Variants in MAMLD1 observed in about 807,000 individuals in gnomAD.
MAMLD1 encodes the protein mastermind like domain containing 1, also known as mastermind-like domain-containing protein 1.
Under a neutral mutation model 45.0 loss-of-function variants are expected in MAMLD1, and 14 were observed. The observed-to-expected ratio is 0.31, with a 90% confidence interval of 0.21 to 0.49. MAMLD1 has a LOEUF of 0.49. Ranked by LOEUF, MAMLD1 falls within the 20% of genes least tolerant of loss-of-function variation. MAMLD1 has a pLI of 0.99. For synonymous variants in MAMLD1, 254 were observed against 247.8 expected, an observed-to-expected ratio of 1.02 and a Z score of -0.24; for missense variants, 543 against 603.6, an observed-to-expected ratio of 0.90 and a Z score of 1.05.
intron 5 of MAMLD1, among the ~76,000 whole-genome samples, chrX:150,474,534 G>T (rs1315270874): frequency 8.9e-6 from 1 of 112,323 alleles, no homozygotes. Context: ...ATGGGACTAA[G>T]ATGTGGTTCT....
chrX:150,380,939 C>T (rs976070337), intron 1 of MAMLD1, among the ~76,000 whole-genome samples: 4 of 109,738 alleles, frequency 3.6e-5, no homozygotes, highest in African/African-American at 1.3e-4. Flanking sequence ...TGGGCTTAGG[C>T]GTTCCTCCTG....
chrX:150,429,271 C>A (rs2034830190), intron 1 of MAMLD1, among the ~76,000 whole-genome samples: 1 of 110,447 alleles, frequency 9.1e-6, no homozygotes, highest in African/African-American at 3.3e-5. Context: ...CTGAAGCACC[C>A]AAGAAATATT....
At chrX:150,480,921 G>A (rs782469427) in intron 5 of MAMLD1, among the ~76,000 whole-genome samples, 9 of 112,415 alleles carry the variant, frequency 8.0e-5, no homozygotes, top group Non-Finnish European at 9.4e-5. Context: ...CTCAGGTTCC[G>A]GCCAGCTTTT....
chrX:150,435,985 G>T (rs782258762), intron 1 of MAMLD1, among the ~76,000 whole-genome samples: 10 of 111,865 alleles, frequency 8.9e-5, no homozygotes, highest in Non-Finnish European at 1.7e-4. Context: ...GCTTAGTTTG[G>T]CTATAAATAA....
At chrX:150,445,740 T>A (rs1223270255) in intron 2 of MAMLD1, 128 bp downstream of exon 2, 6 of 512,138 alleles carry the variant, frequency 1.2e-5, no homozygotes, top group Admixed American at 3.1e-5. Context: ...ATATAAGGAA[T>A]TCAAATGTGA....
intron 1 of MAMLD1, among the ~76,000 whole-genome samples, chrX:150,386,150 T>A (rs1490944547): frequency 9.0e-6 from 1 of 111,328 alleles, no homozygotes; most frequent in Non-Finnish European, 1.9e-5. Flanking sequence ...GATTTCCCTG[T>A]TTATTGTCAT....
chrX:150,429,571 T>C (rs2034845210), intron 1 of MAMLD1, among the ~76,000 whole-genome samples: 5 of 111,243 alleles, frequency 4.5e-5, no homozygotes, highest in Admixed American at 3.8e-4. Context: ...AACTTGGAAA[T>C]TGATATTGCT....
intron 1 of MAMLD1, among the ~76,000 whole-genome samples, chrX:150,423,374 GTGTGTGTGTGTT>G (rs782613935): frequency 3.3e-3 from 356 of 107,894 alleles, no homozygotes; most frequent in Non-Finnish European, 5.3e-3. Flanking sequence ...GTGTGTGTGT[GTGTGTGTGTGTT>G]TGCACCTTTG....
chrX:150,504,407 G>A (rs2037660825), intron 6 of MAMLD1: 2 of 754,054 alleles, frequency 2.7e-6, no homozygotes, highest in Non-Finnish European at 1.6e-6. Flanking sequence ...ATGGAAATTC[G>A]GCTTTGGTAT....
chrX:150,412,036 T>G (rs1430650846), intron 1 of MAMLD1, among the ~76,000 whole-genome samples: 2 of 112,278 alleles, frequency 1.8e-5, no homozygotes, highest in African/African-American at 6.5e-5. Flanking sequence ...AAAACTAAAA[T>G]GGTGTTTGTG....
chrX:150,477,170 C>T (rs936331091), intron 5 of MAMLD1, among the ~76,000 whole-genome samples: 7 of 110,147 alleles, frequency 6.4e-5, no homozygotes, highest in South Asian at 4.0e-4. Context: ...CCACCTTTTC[C>T]GCGGGGCAAG....
At chrX:150,469,653 CTCTG>C (rs1301005899) in intron 3 of MAMLD1, 88 bp from the exon 4 acceptor site, 493 of 475,620 alleles carry the variant, frequency 1.0e-3, no homozygotes, top group East Asian at 2.5e-3. Context: ...CTCTCTCTCT[CTCTG>C]TGTGTGTGTG....
chrX:150,368,915 G>C (rs1234545929), intron 1 of MAMLD1, among the ~76,000 whole-genome samples: 1 of 111,686 alleles, frequency 9.0e-6, no homozygotes, highest in Non-Finnish European at 1.9e-5. Flanking sequence ...TGTTCCATTG[G>C]TCTATATCTC....
At chrX:150,442,771 A>G (rs2035358455) in intron 1 of MAMLD1, among the ~76,000 whole-genome samples, 1 of 111,470 alleles carries the variant, frequency 9.0e-6, no homozygotes, top group Non-Finnish European at 1.9e-5. Context: ...CTAATGTTCA[A>G]TATCCTTTCT....
intron 5 of MAMLD1, among the ~76,000 whole-genome samples, chrX:150,492,568 G>A (rs1052527278): frequency 8.9e-6 from 1 of 111,886 alleles, no homozygotes; most frequent in Admixed American, 9.4e-5. Context: ...AAGGTGCCCT[G>A]GACTGAAAAT....
At chrX:150,412,187 C>T (rs1302495712) in intron 1 of MAMLD1, among the ~76,000 whole-genome samples, 1 of 111,150 alleles carries the variant, frequency 9.0e-6, no homozygotes, top group Non-Finnish European at 1.9e-5. Context: ...CTCTGAGACT[C>T]GTGACTTGAC....
chrX:150,512,660 G>A lies in MAMLD1; in HGVS notation c.*701G>A, dbSNP rs1557409256. ...CCCGGTACAGGGCCCGGTGCCTGTA[G>A]CAAACACCACCAAGTTCCTCCAGCA... On this transcript the variant is annotated 3_prime_UTR_variant, in exon 8 of 8. Transcript: ENST00000370401. The A allele has an allele frequency of 2.6e-6, 3 of 1,150,091 alleles. No homozygotes were observed. Among genetic ancestry groups the A allele is most frequent in the Non-Finnish European group, 2.3e-6 (2 of 869,148 alleles). The allele number at this position is 1,150,091 out of a possible 1,213,427, so 94.8% of individuals were successfully genotyped here. A position where few individuals can be genotyped will look rare whatever the true frequency, so the allele number is the denominator to read the frequency against.
At chrX:150,375,759 C>T (rs2032284188) in intron 1 of MAMLD1, among the ~76,000 whole-genome samples, 1 of 60,375 alleles carries the variant, frequency 1.7e-5, no homozygotes, top group African/African-American at 1.2e-4. Flanking sequence ...CATTCCCATC[C>T]TTGGCAGAGC....
chrX:150,390,574 C>T (rs1180900085), intron 1 of MAMLD1, among the ~76,000 whole-genome samples: 2 of 112,245 alleles, frequency 1.8e-5, no homozygotes, highest in African/African-American at 6.5e-5. Context: ...GGAAATTTTA[C>T]TTCCATTTAG....
Sources: gnomAD v4.1 joint callset for allele counts (sites outside exome capture counted in the v4.1 genomes callset) on GRCh38, gnomAD v4.1.1 for gene constraint, MANE v1.5 for transcripts, NCBI Gene and HGNC (gene_info 2026-07-23, HGNC 2026-07-21) for gene names.